The following KIAA1549L variants were observed in gnomAD, a reference collection of about 807,000 sequenced individuals.
KIAA1549L encodes KIAA1549 like.
In KIAA1549L, 88 loss-of-function variants were observed where a neutral mutation model predicts 160.7. The observed-to-expected ratio is 0.55, with a 90% CI of 0.46 to 0.65. The LOEUF (loss-of-function observed/expected upper bound fraction) is 0.65. Among genes scored for constraint, KIAA1549L ranks in the 30% least tolerant of loss-of-function variants. KIAA1549L has a pLI of 0.00. For missense variants in KIAA1549L, 2,258 were observed against 2,437.5 expected, an observed-to-expected ratio of 0.93 and a Z score of 1.55; for synonymous variants, 950 against 976.7, an observed-to-expected ratio of 0.97 and a Z score of 0.51.
chr11:33,435,796 A>ATATATGTGTGTGTGTGTGTGTGTG (rs1851352809), intron 1 of KIAA1549L, among the ~76,000 whole-genome samples: 2 of 34,670 alleles, frequency 5.8e-5, no homozygotes, highest in Non-Finnish European at 9.7e-5. Flanking sequence ...ATATATATAT[A>ATATATGTGTGTGTGTGTGTGTGTG]TATATATATA....
intron 4 of KIAA1549L, among the ~76,000 whole-genome samples, chr11:33,550,762 G>A (rs1262460017): frequency 2.6e-5 from 4 of 152,130 alleles, no homozygotes; most frequent in African/African-American, 9.7e-5. Flanking sequence ...AATAATAATT[G>A]ATGGTCACAG....
intron 1 of KIAA1549L, among the ~76,000 whole-genome samples, chr11:33,535,655 G>A (rs913089086): frequency 5.9e-5 from 9 of 151,910 alleles, no homozygotes; most frequent in African/African-American, 2.2e-4. Context: ...CTGGGTGGCA[G>A]AGTGAGACCC....
rs376878201 is a variant in KIAA1549L, at chr11:33,609,162, A to G, written c.5062-587A>G. Among the ~76,000 whole-genome samples, 22 of 152,364 alleles carry G rather than the reference A, an allele frequency of 1.4e-4. 1 individual carries two copies. In the East Asian group the frequency reaches 2.5e-3, roughly 17 times the overall value. On this transcript the variant is annotated intron_variant, in intron 14 of 20. Coordinates refer to ENST00000658780, the MANE Select transcript of KIAA1549L (RefSeq NM_012194.3). ...CCTGGTTCATGTTAGTGGCCATACA[A>G]GGCTTCAAAATTACATATCTCTCAA...
intron 1 of KIAA1549L, among the ~76,000 whole-genome samples, chr11:33,448,626 T>C (rs868612646): frequency 5.3e-5 from 8 of 152,368 alleles, no homozygotes; most frequent in Middle Eastern, 3.4e-3. Flanking sequence ...TGAGGTCTTT[T>C]GGTTATGATA....
At chr11:33,623,087 T>G (rs1230003936) in intron 16 of KIAA1549L, among the ~76,000 whole-genome samples, 1 of 152,202 alleles carries the variant, frequency 6.6e-6, no homozygotes, top group Non-Finnish European at 1.5e-5. Context: ...TCAGTAAATT[T>G]GTAATCCTAT....
At chr11:33,401,971 G>C (rs1203593889) in intron 1 of KIAA1549L, among the ~76,000 whole-genome samples, 1 of 152,212 alleles carries the variant, frequency 6.6e-6, no homozygotes, top group Non-Finnish European at 1.5e-5. Flanking sequence ...GGGCACAGCT[G>C]TCCCTCTGCT....
intron 1 of KIAA1549L, among the ~76,000 whole-genome samples, chr11:33,399,110 G>A (rs1383974683): frequency 6.6e-6 from 1 of 151,878 alleles, no homozygotes; most frequent in African/African-American, 2.4e-5. Context: ...GCACCACCAC[G>A]CCTGGCTAAT....
At chr11:33,521,902 C>T (rs1342306505) in intron 1 of KIAA1549L, among the ~76,000 whole-genome samples, 1 of 152,136 alleles carries the variant, frequency 6.6e-6, no homozygotes, top group East Asian at 1.9e-4. Flanking sequence ...ATGGTTATTA[C>T]TAGGTAAGCT....
intron 1 of KIAA1549L, among the ~76,000 whole-genome samples, chr11:33,426,236 T>A (rs1000468606): frequency 6.6e-6 from 1 of 152,224 alleles, no homozygotes; most frequent in Non-Finnish European, 1.5e-5. Context: ...CGTATTGAAC[T>A]CTCTGCACTC....
chr11:33,466,712 C>T (rs948797386), intron 1 of KIAA1549L, among the ~76,000 whole-genome samples: 1 of 152,106 alleles, frequency 6.6e-6, no homozygotes, highest in Admixed American at 6.5e-5. Context: ...AGACTTGGAA[C>T]CAACCCAAAT....
chr11:33,608,352 C>T (rs1850563093), intron 14 of KIAA1549L, among the ~76,000 whole-genome samples: 1 of 152,228 alleles, frequency 6.6e-6, no homozygotes, highest in Admixed American at 6.5e-5. Context: ...GTTATCACCA[C>T]CCATTAGACA....
chr11:33,631,714 C>T (rs1851294394), intron 16 of KIAA1549L, among the ~76,000 whole-genome samples: 1 of 152,208 alleles, frequency 6.6e-6, no homozygotes, highest in Non-Finnish European at 1.5e-5. Flanking sequence ...CTATGGGCCC[C>T]TCCTTTGTGT....
chr11:33,393,819 A>T (rs1393596804), intron 1 of KIAA1549L, among the ~76,000 whole-genome samples: 1 of 152,152 alleles, frequency 6.6e-6, no homozygotes, highest in Non-Finnish European at 1.5e-5. Flanking sequence ...AAAAGCTGGG[A>T]TTATGTTTTA....
intron 1 of KIAA1549L, among the ~76,000 whole-genome samples, chr11:33,469,402 G>A (rs563789454): frequency 6.6e-6 from 1 of 151,920 alleles, no homozygotes; most frequent in African/African-American, 2.4e-5. Context: ...AATATAATGT[G>A]TCATCTTGTT....
chr11:33,585,072 C>T (rs1322596670), intron 11 of KIAA1549L, among the ~76,000 whole-genome samples: 3 of 152,280 alleles, frequency 2.0e-5, no homozygotes, highest in South Asian at 2.1e-4. Context: ...TGCTGCAGCT[C>T]GTTTAGATAC....
chr11:33,590,093 A>T (rs1850004130), intron 11 of KIAA1549L, among the ~76,000 whole-genome samples: 1 of 152,238 alleles, frequency 6.6e-6, no homozygotes, highest in East Asian at 1.9e-4. Flanking sequence ...ACTATTGGCT[A>T]GGCACTTATC....
At chr11:33,385,746 GT>G (rs545628399) in intron 1 of KIAA1549L, among the ~76,000 whole-genome samples, 151 of 141,772 alleles carry the variant, frequency 1.1e-3, no homozygotes, top group African/African-American at 3.0e-3. Context: ...TCTTAACAGT[GT>G]TTTTTTTTTT....
At chr11:33,643,871 C>T (rs1358409610) in intron 16 of KIAA1549L, among the ~76,000 whole-genome samples, 2 of 152,132 alleles carry the variant, frequency 1.3e-5, no homozygotes, top group African/African-American at 4.8e-5. Flanking sequence ...GAAGGTATCG[C>T]CAGGCAAAAC....
Position 33,561,677 on chromosome 11 carries a change from A to G in KIAA1549L, c.4020A>G (p.Pro1340=). 6.2e-7 allele frequency: 1 copy of G among 1,603,486 alleles called. No individual in the cohort carries two copies. The highest frequency in any genetic ancestry group is 8.5e-7 in the Non-Finnish European group (1 of 1,170,666). Residue 1340 remains proline (P), a splice_region_variant and synonymous_variant, in exon 8 of 21, where the codon CCA becomes CCG. Transcript: ENST00000658780. ...GGGTATGTTTCTTATTTGTTTTAGC[A>G]CTGGAATATCCCAACCTTGACATAT... ...LTYPPLTIAE[P]LEYPNLDISE... is the part of the protein sequence containing the mutation.
Sources: allele counts gnomAD v4.1 joint callset (sites outside exome capture counted in the v4.1 genomes callset), GRCh38; gene constraint gnomAD v4.1.1; transcripts MANE v1.5; gene names NCBI Gene and HGNC (gene_info 2026-07-23, HGNC 2026-07-21).